Variants in U2AF2 observed in about 807,000 individuals in gnomAD.
The protein encoded by U2AF2 is splicing factor U2AF 65 kDa subunit.
A neutral mutation model predicts 52.6 loss-of-function variants in U2AF2; 6 were observed. The observed-to-expected ratio is 0.11, with a 90% CI of 0.06 to 0.23. U2AF2 has a LOEUF of 0.23. Ranked by LOEUF, U2AF2 falls within the 10% of genes least tolerant of loss-of-function variation. The pLI, the probability that U2AF2 is intolerant of heterozygous loss-of-function variation, is 1.00. For missense variants in U2AF2, 222 were observed against 677.1 expected (o/e 0.33, Z 7.46); for synonymous variants, 284 against 258.2 (o/e 1.10, Z -0.96).
rs1241995774 is a variant in U2AF2, at chr19:55,674,117, A to G, written c.*49A>G. On this transcript the variant is annotated 3_prime_UTR_variant, in exon 12 of 12. Transcript: ENST00000308924. ...CAGGGCTGGCTGGGGGCTTCTCCCCACTCCCGCCCCCCCCTTATCCCCCTC... is the reference window on the plus strand; with the variant it reads ...CAGGGCTGGCTGGGGGCTTCTCCCCGCTCCCGCCCCCCCCTTATCCCCCTC... The G allele has an allele frequency of 2.7e-6, 4 of 1,506,960 alleles. No individual in the cohort carries two copies. Among genetic ancestry groups the G allele is most frequent in the East Asian group, 2.5e-5 (1 of 40,768 alleles). The allele number at this position is 1,506,960 out of a possible 1,614,324, so 93.3% of individuals were successfully genotyped here.
intron 1 of U2AF2, among the ~76,000 whole-genome samples, chr19:55,656,114 G>A (rs756455462): frequency 6.6e-6 from 1 of 152,196 alleles, no homozygotes; most frequent in Non-Finnish European, 1.5e-5. Context: ...AAAGCCTGGG[G>A]CCCTGATCTT....
At chr19:55,655,885 A>T (rs1287232563) in intron 1 of U2AF2, among the ~76,000 whole-genome samples, 1 of 152,228 alleles carries the variant, frequency 6.6e-6, no homozygotes, top group Non-Finnish European at 1.5e-5. Context: ...CGGTCCCGAG[A>T]ATCGCGATAT....
intron 1 of U2AF2, among the ~76,000 whole-genome samples, chr19:55,658,525 T>C (rs928606903): frequency 3.3e-5 from 5 of 151,842 alleles, no homozygotes; most frequent in African/African-American, 1.2e-4. Context: ...TTGAAGGGAG[T>C]GAGGCTGAGA....
At chr19:55,672,501 C>T (rs1984984109) in intron 11 of U2AF2, among the ~76,000 whole-genome samples, 1 of 152,128 alleles carries the variant, frequency 6.6e-6, no homozygotes, top group Admixed American at 6.5e-5. Context: ...TCCCCAGCCT[C>T]CACCCACCGG....
At chr19:55,660,085 C>G (rs1315695231) in intron 2 of U2AF2, 92 bp from the exon 3 acceptor site, 3 of 1,308,966 alleles carry the variant, frequency 2.3e-6, no homozygotes, top group Admixed American at 4.3e-5. Flanking sequence ...TGCTCCCACC[C>G]TGGGGCTCAG....
intron 7 of U2AF2, among the ~76,000 whole-genome samples, chr19:55,664,385 AG>A (rs1984411565): frequency 6.6e-6 from 1 of 152,252 alleles, no homozygotes; most frequent in South Asian, 2.1e-4. Context: ...TGCTTCTCAC[AG>A]GCCACAGAAT....
intron 1 of U2AF2, among the ~76,000 whole-genome samples, chr19:55,656,247 A>G (rs924353118): frequency 6.6e-6 from 1 of 152,256 alleles, no homozygotes. Context: ...TTCAGGCTTC[A>G]GCTGCCCATG....
chr19:55,662,628 G>C lies in U2AF2; in HGVS notation c.603+10G>C, dbSNP rs1450816900. 1.9e-6 allele frequency: 3 copies of C among 1,610,880 alleles called. No homozygotes were observed. The highest frequency in any genetic ancestry group is 1.7e-6 in the Non-Finnish European group (2 of 1,177,500). On this transcript the variant is annotated intron_variant, in intron 6 of 11. Transcript: ENST00000308924. ...TTTTGCCTTTTTGGAGGTGAGCTGG[G>C]GGAGTGAGTGAGGTCCAGGAAACGT...
At chr19:55,655,705 AC>A (rs754766240) in intron 1 of U2AF2, among the ~76,000 whole-genome samples, 5 of 152,056 alleles carry the variant, frequency 3.3e-5, no homozygotes, top group Non-Finnish European at 7.4e-5. Flanking sequence ...CCCCTCGCGT[AC>A]CCCTTTTCCT....
Position 55,669,175 on chromosome 19 carries a change from C to T in U2AF2, c.1038C>T (p.Ser346=). ...SVGAKNATLV[S]PPSTINQTPV... is the part of the protein sequence containing the mutation. ...GAGCCAAGAATGCCACGCTGGTGAG[C>T]CCCCCGGCACGTCATCTTCCATTGG... The change falls in exon 10 of 12, where the codon AGC becomes AGT. Residue 346 remains serine, a synonymous_variant. Transcript: ENST00000308924. 6.2e-7 allele frequency: 1 copy of T among 1,613,658 alleles called. No homozygotes were observed. Among genetic ancestry groups the T allele is most frequent in the Non-Finnish European group, 8.5e-7 (1 of 1,179,822 alleles).
Position 55,674,213 on chromosome 19 carries a change from T to A in U2AF2, c.*145T>A. The A allele has an allele frequency of 1.4e-5, 1 of 70,812 alleles. No individual in the cohort carries two copies. The highest frequency in any genetic ancestry group is 2.5e-5 in the Non-Finnish European group (1 of 40,768). 4.4% of individuals were successfully genotyped at this position (70,812 alleles called of 1,614,324 possible). A position where few individuals can be genotyped will look rare whatever the true frequency, so the allele number is the denominator to read the frequency against. The stretch of plus-strand genomic sequence containing the variant: ...CGGCAGCAACTGGAATGGCAGCAAT[T>A]AAGGGTGGGGGGCGGGGGTTGGGGG... On this transcript the variant is annotated 3_prime_UTR_variant, in exon 12 of 12. Coordinates refer to ENST00000308924, the MANE Select transcript of U2AF2 (RefSeq NM_007279.3).
chr19:55,674,110 T>C lies in U2AF2; in HGVS notation c.*42T>C, dbSNP rs1985121939. The C allele has an allele frequency of 6.5e-7, 1 of 1,548,764 alleles. No individual in the cohort carries two copies. Among genetic ancestry groups the C allele is most frequent in the Non-Finnish European group, 8.7e-7 (1 of 1,147,634 alleles). ...GTGGGGGCAGGGCTGGCTGGGGGCT[T>C]CTCCCCACTCCCGCCCCCCCCTTAT... On this transcript the variant is annotated 3_prime_UTR_variant, in exon 12 of 12. Coordinates refer to ENST00000308924, the MANE Select transcript of U2AF2 (RefSeq NM_007279.3).
intron 5 of U2AF2, among the ~76,000 whole-genome samples, chr19:55,661,533 C>G (rs1984199546): frequency 6.7e-6 from 1 of 149,388 alleles, no homozygotes. Context: ...CACACACACA[C>G]ACACACACAG....
intron 1 of U2AF2, 122 bp downstream of exon 1, chr19:55,655,275 G>C (rs2123664806): frequency 9.3e-7 from 1 of 1,072,444 alleles, no homozygotes; most frequent in East Asian, 3.1e-5. Context: ...CCCAACCCTG[G>C]TTCCGTGGCG....
In U2AF2 at chr19:55,668,824, C is replaced by T. The variant is rs750842324; in HGVS notation, c.945+32C>T. On this transcript the variant is annotated intron_variant, in intron 9 of 11. Transcript: ENST00000308924. This position sits in a 1 kb window ranked among gnomAD's most constrained non-coding sequence, Gnocchi z 5.5. ...CCCCGGTCGCTGGCCGCTGCCGCGT[C>T]TGTCCTTCCCTGCCCTGCGCTGTTG... 4 of 1,596,066 alleles carry T rather than the reference C, an allele frequency of 2.5e-6. No homozygotes were observed. The highest frequency in any genetic ancestry group is 2.2e-5 in the South Asian group (2 of 89,898).
chr19:55,657,940 A>C (rs1983900724), intron 1 of U2AF2, among the ~76,000 whole-genome samples: 1 of 152,166 alleles, frequency 6.6e-6, no homozygotes, highest in African/African-American at 2.4e-5. Context: ...CAAACAAAAC[A>C]ATTTAGTACA....
chr19:55,658,240 G>A (rs1032015464), intron 1 of U2AF2, among the ~76,000 whole-genome samples: 1 of 152,138 alleles, frequency 6.6e-6, no homozygotes, highest in Non-Finnish European at 1.5e-5. Context: ...ATGGCTAGCT[G>A]AGAAATCTGG....
Position 55,659,143 on chromosome 19 carries a change from C to G in U2AF2, c.50-67C>G, listed in dbSNP as rs986262701. On this transcript the variant is annotated intron_variant, in intron 1 of 11. Transcript: ENST00000308924. The stretch of plus-strand genomic sequence containing the variant: ...GGGGCTTGGGACATAGCCACCAGCG[C>G]GCAGGGTGGGCTGGGCCCGCATCCT... The G allele has an allele frequency of 3.5e-6, 5 of 1,437,998 alleles. No individual in the cohort carries two copies. In the African/African-American group the frequency reaches 7.3e-5, roughly 21 times the overall value. The allele number at this position is 1,437,998 out of a possible 1,614,324, so 89.1% of individuals were successfully genotyped here.
rs748120724 is a variant in U2AF2 at position 55,659,315 on chromosome 19, G to A, written c.155G>A (p.Arg52Gln). 1.9e-6 allele frequency: 3 copies of A among 1,576,498 alleles called. No homozygotes were observed. The highest frequency in any genetic ancestry group is 2.3e-5 in the East Asian group (1 of 42,922). The change falls in exon 2 of 12, where the codon CGG becomes CAG. Residue 52 changes from arginine to glutamine, a missense_variant. Physicochemically the swap from Arg to Gln is conservative, Grantham distance 43. Around this residue, in one of 4 missense-constraint regions of U2AF2, gnomAD observed 100 missense variants for 144.1 expected, o/e 0.69. Coordinates refer to ENST00000308924, the MANE Select transcript of U2AF2 (RefSeq NM_007279.3). Reference protein sequence around the residue: ...RSRDRRNRDQRSASRDRRRRS... With the variant: ...RSRDRRNRDQQSASRDRRRRS... ...CGCGACCGGCGCAACCGGGACCAGCGGAGCGCCTCCCGGGACAGGCGACGA... is the reference window on the plus strand; with the variant it reads ...CGCGACCGGCGCAACCGGGACCAGCAGAGCGCCTCCCGGGACAGGCGACGA...
Sources: allele counts gnomAD v4.1 joint callset (sites outside exome capture counted in the v4.1 genomes callset), GRCh38; gene constraint gnomAD v4.1.1; regional missense constraint gnomAD v4.1.1; non-coding constraint Gnocchi (gnomAD v3.1); transcripts MANE v1.5; gene names NCBI Gene and HGNC (gene_info 2026-07-23, HGNC 2026-07-21).